COL6A5: variants seen among roughly 807,000 people sequenced by gnomAD.
COL6A5 encodes the protein collagen type VI alpha 5 chain.
A neutral mutation model predicts 65.6 loss-of-function variants in COL6A5; 48 were observed. That is an observed-to-expected ratio of 0.73 (90% CI 0.58 to 0.93). The LOEUF (loss-of-function observed/expected upper bound fraction) is 0.93. COL6A5 is among the 40% of genes least tolerant of loss of function. COL6A5 has a pLI of 0.00. For synonymous variants in COL6A5, 291 were observed against 322.8 expected, an observed-to-expected ratio of 0.90 and a Z score of 1.05; for missense variants, 914 against 928.3, an observed-to-expected ratio of 0.98 and a Z score of 0.20.
At chr3:130,399,684 T>G (rs1293128639) in intron 10 of COL6A5, among the ~76,000 whole-genome samples, 1 of 151,044 alleles carries the variant, frequency 6.6e-6, no homozygotes, top group African/African-American at 2.4e-5. Flanking sequence ...TCATTTCTTA[T>G]ATTCAGTGTT....
At chr3:130,484,842 T>C (rs1339015369) in exon 8 of COL6A5, 1 of 398,384 alleles carries the variant, frequency 2.5e-6, no homozygotes, top group African/African-American at 2.1e-5. Context: ...AAGTCTGACT[T>C]GGAAGTTTGT....
At position 130,439,594 on chromosome 3, in the gene COL6A5, C is replaced by T. The variant is rs182112053; in HGVS notation, c.562C>T (p.Arg188Trp). Residue 188 changes from arginine to tryptophan, a missense_variant, in exon 2 of 8, where the codon CGG becomes TGG. Physicochemically the swap from Arg to Trp is moderately radical, Grantham distance 101. Transcript: ENST00000512836. ...GGAAAATCAAACATTAGAAAGACTT[C>T]GGCGCTGTGCACTTTGCTATGGTAA... is the stretch of plus-strand genomic sequence containing the variant. The T allele has an allele frequency of 1.6e-3, 2,426 of 1,550,912 alleles. 7 individuals carry two copies. The highest frequency in any genetic ancestry group is 4.2e-3 in the Middle Eastern group (25 of 5,982).
At chr3:130,410,494 G>T (rs1937138816) in exon 20 of COL6A5, 1 of 1,550,908 alleles carries the variant, frequency 6.4e-7, no homozygotes, top group Non-Finnish European at 8.7e-7. Flanking sequence ...AGAAAGGGGT[G>T]CAAGGCAGTC....
At chr3:130,456,501 C>A (rs1370082627) in intron 5 of COL6A5, among the ~76,000 whole-genome samples, 2 of 152,024 alleles carry the variant, frequency 1.3e-5, no homozygotes, top group Admixed American at 6.6e-5. Context: ...CTCATCATTC[C>A]ATGATAAGAA....
chr3:130,379,459 C>T lies in COL6A5; in HGVS notation c.709C>T (p.Leu237Phe). 3 of 1,551,184 alleles carry T rather than the reference C, an allele frequency of 1.9e-6. No homozygotes were observed. Among genetic ancestry groups the T allele is most frequent in the African/African-American group, 1.4e-5 (1 of 73,106 alleles). ...CTGTCAGAAAGATTCACTCGCTGAC[C>T]TCGTGTTCCTGGTGGATGAGTCACT... Residue 237 changes from leucine to phenylalanine, a missense_variant and NMD_transcript_variant, in exon 4 of 42, where the codon CTC becomes TTC. Transcript: ENST00000312481.
chr3:130,433,569 T>C (rs1937908132), intron 1 of COL6A5, among the ~76,000 whole-genome samples: 1 of 152,136 alleles, frequency 6.6e-6, no homozygotes, highest in South Asian at 2.1e-4. Flanking sequence ...TGCCTTGCAC[T>C]CTTCTCCACT....
At chr3:130,389,086 C>T (rs374583455) in exon 6 of COL6A5, 23 of 1,463,558 alleles carry the variant, frequency 1.6e-5, no homozygotes, top group Middle Eastern at 3.6e-4. Flanking sequence ...CTTCGATCAT[C>T]TAAAGGCACT....
At chr3:130,434,973 G>A (rs778964243) in intron 1 of COL6A5, among the ~76,000 whole-genome samples, 2 of 152,108 alleles carry the variant, frequency 1.3e-5, no homozygotes, top group Non-Finnish European at 2.9e-5. Flanking sequence ...TTTGGCTTTC[G>A]TTGCAACTGC....
chr3:130,417,751 C>T (rs149365521), intron 24 of COL6A5, among the ~76,000 whole-genome samples: 8 of 152,258 alleles, frequency 5.3e-5, no homozygotes, highest in African/African-American at 1.9e-4. Flanking sequence ...ACCTGTGCAG[C>T]CACACAGGTG....
chr3:130,446,633 G>A (rs1213022952), intron 4 of COL6A5, among the ~76,000 whole-genome samples: 1 of 152,062 alleles, frequency 6.6e-6, no homozygotes, highest in African/African-American at 2.4e-5. Flanking sequence ...ATCTCACCAC[G>A]TCTGAGGGCA....
At chr3:130,415,221 C>T (rs1043586022) in intron 22 of COL6A5, among the ~76,000 whole-genome samples, 2 of 152,132 alleles carry the variant, frequency 1.3e-5, no homozygotes, top group African/African-American at 4.8e-5. Context: ...TTTGATTCTT[C>T]TGATAGAGGT....
intron 4 of COL6A5, among the ~76,000 whole-genome samples, chr3:130,445,228 T>C (rs1255614289): frequency 6.6e-6 from 1 of 152,200 alleles, no homozygotes; most frequent in Non-Finnish European, 1.5e-5. Context: ...CTTAGATCTT[T>C]TTAGAATTCA....
intron 2 of COL6A5, 49 bp downstream of exon 2, chr3:130,373,754 C>T (rs1223647466): frequency 8.8e-7 from 1 of 1,136,100 alleles, no homozygotes; most frequent in Non-Finnish European, 1.3e-6. Context: ...ATTTTTACAT[C>T]TCAGTAAACT....
chr3:130,477,282 A>G, intron 7 of COL6A5: 1 of 506,128 alleles, frequency 2.0e-6, no homozygotes, highest in East Asian at 3.0e-5. Context: ...CCCTATTTGA[A>G]TTATCTAAGT....
intron 7 of COL6A5, among the ~76,000 whole-genome samples, chr3:130,474,782 C>A (rs1710046356): frequency 6.6e-6 from 1 of 151,716 alleles, no homozygotes; most frequent in Non-Finnish European, 1.5e-5. Context: ...CTGAGGTGGG[C>A]AGATCACTTG....
At chr3:130,362,954 A>G (rs529459968) in intron 1 of COL6A5, among the ~76,000 whole-genome samples, 2 of 152,342 alleles carry the variant, frequency 1.3e-5, no homozygotes, top group East Asian at 3.9e-4. Flanking sequence ...CATATATTCA[A>G]TGTGTTTTAA....
At chr3:130,452,815 T>C (rs1360501317) in intron 4 of COL6A5, among the ~76,000 whole-genome samples, 3 of 152,076 alleles carry the variant, frequency 2.0e-5, no homozygotes, top group South Asian at 2.1e-4. Context: ...ATCCCTACAG[T>C]TTCGACCATA....
At chr3:130,454,499 A>G (rs780077972) in intron 4 of COL6A5, among the ~76,000 whole-genome samples, 1 of 152,214 alleles carries the variant, frequency 6.6e-6, no homozygotes, top group Non-Finnish European at 1.5e-5. Context: ...TTAAAATCAT[A>G]TTACTGGATG....
rs1251701852 is a variant in COL6A5 at position 130,440,434 on chromosome 3, C to T, written c.852C>T (p.Phe284=). 2.5e-6 allele frequency: 4 copies of T among 1,613,598 alleles called. No individual in the cohort carries two copies. The Admixed American group carries it at 5.0e-5, about 20-fold the overall frequency. ...GTACAGTAAAAACAGAGTTTGATTT[C>T]ATCACTTATGACAACCAACTCCTAA... Residue 284 remains phenylalanine, a synonymous_variant, in exon 3 of 8, where the codon TTC becomes TTT. Transcript: ENST00000512836.
Sources: allele counts gnomAD v4.1 joint callset (sites outside exome capture counted in the v4.1 genomes callset), GRCh38; gene constraint gnomAD v4.1.1; transcripts MANE v1.5; gene names NCBI Gene and HGNC (gene_info 2026-07-23, HGNC 2026-07-21).